TBC1D5: variants seen among roughly 807,000 people sequenced by gnomAD.
TBC1D5 encodes TBC1 domain family, member 5.
TBC1D5 carries 75 observed loss-of-function variants against 100.3 expected under a neutral mutation model. The ratio of observed to expected loss-of-function variants is 0.75; its 90% confidence interval spans 0.62 to 0.91. The LOEUF (loss-of-function observed/expected upper bound fraction) is 0.91, where lower values mean the gene tolerates loss of function less well. Ranked by LOEUF, TBC1D5 falls within the 40% of genes least tolerant of loss-of-function variation. TBC1D5 has a pLI of 0.00. For missense variants in TBC1D5, 910 were observed against 942.4 expected (o/e 0.97, Z 0.45); for synonymous variants, 323 against 325.6 (o/e 0.99, Z 0.09).
At chr3:17,689,642 A>G (rs10510479) in intron 1 of TBC1D5, among the ~76,000 whole-genome samples, 1,742 of 152,314 alleles carry the variant, frequency 0.011, 27 homozygotes, top group African/African-American at 0.039. Context: ...CCAGCAGGTA[A>G]AAAGTCACAT....
intron 3 of TBC1D5, among the ~76,000 whole-genome samples, chr3:17,499,513 G>A (rs538001255): frequency 1.3e-5 from 2 of 148,902 alleles, no homozygotes; most frequent in Admixed American, 6.6e-5. Context: ...GGGCAACATG[G>A]AAAGACCCTG....
At chr3:17,458,204 T>C (rs961301659) in intron 3 of TBC1D5, among the ~76,000 whole-genome samples, 5 of 152,168 alleles carry the variant, frequency 3.3e-5, no homozygotes, top group Admixed American at 6.5e-5. Flanking sequence ...TCCCCTAGTA[T>C]AGTTTTTATC....
At chr3:17,508,333 T>C (rs1277990765) in intron 3 of TBC1D5, 141 bp downstream of exon 3, 3 of 614,276 alleles carry the variant, frequency 4.9e-6, no homozygotes, top group African/African-American at 1.8e-5. Context: ...TCTGTACATA[T>C]CCAGAATAAC....
At chr3:17,417,274 C>T (rs190727332) in intron 4 of TBC1D5, among the ~76,000 whole-genome samples, 6 of 151,892 alleles carry the variant, frequency 4.0e-5, no homozygotes, top group African/African-American at 1.2e-4. Flanking sequence ...ATGTGCCATG[C>T]TGGTGTGCTG....
chr3:17,254,766 T>TGGGGGGGG (rs139693043), intron 16 of TBC1D5, among the ~76,000 whole-genome samples: 1 of 73,172 alleles, frequency 1.4e-5, no homozygotes, highest in Non-Finnish European at 2.6e-5. Context: ...GTGGCGGGGG[T>TGGGGGGGG]GGGGGGGGGG....
At chr3:17,352,867 G>A (rs1021778148) in intron 13 of TBC1D5, among the ~76,000 whole-genome samples, 6 of 151,958 alleles carry the variant, frequency 3.9e-5, no homozygotes, top group Non-Finnish European at 1.5e-5. Context: ...AACACTGAGA[G>A]CTAATACCAC....
chr3:17,491,318 A>C (rs2095637228), intron 3 of TBC1D5, among the ~76,000 whole-genome samples: 1 of 152,146 alleles, frequency 6.6e-6, no homozygotes, highest in African/African-American at 2.4e-5. Flanking sequence ...CTGTTGCCTG[A>C]GTGCTCTGGC....
intron 17 of TBC1D5, among the ~76,000 whole-genome samples, chr3:17,232,833 G>A (rs969561024): frequency 2.0e-5 from 3 of 152,026 alleles, no homozygotes; most frequent in African/African-American, 7.2e-5. Context: ...AATACTACTA[G>A]CATCACTATA....
intron 15 of TBC1D5, among the ~76,000 whole-genome samples, chr3:17,273,950 G>T (rs2079696714): frequency 6.7e-6 from 1 of 148,470 alleles, no homozygotes; most frequent in South Asian, 2.1e-4. Flanking sequence ...TTTCTTAAAA[G>T]TTCCTTGAAG....
chr3:17,629,212 G>A (rs1415828258), intron 1 of TBC1D5, among the ~76,000 whole-genome samples: 2 of 152,012 alleles, frequency 1.3e-5, no homozygotes, highest in Non-Finnish European at 2.9e-5. Flanking sequence ...TCTGTGCTTT[G>A]GGGAAATTCC....
intron 16 of TBC1D5, among the ~76,000 whole-genome samples, chr3:17,247,606 T>C (rs1165876286): frequency 1.3e-5 from 2 of 152,142 alleles, no homozygotes; most frequent in African/African-American, 4.8e-5. Flanking sequence ...TTTCTTAAAA[T>C]AAGACAACAA....
chr3:17,367,592 C>T (rs952036171), intron 13 of TBC1D5, among the ~76,000 whole-genome samples: 2 of 152,140 alleles, frequency 1.3e-5, no homozygotes, highest in Non-Finnish European at 2.9e-5. Flanking sequence ...GGCGCAGTGG[C>T]TCACACGTGT....
At chr3:17,592,187 G>A (rs1560230636) in intron 2 of TBC1D5, among the ~76,000 whole-genome samples, 1 of 152,336 alleles carries the variant, frequency 6.6e-6, no homozygotes, top group East Asian at 1.9e-4. Context: ...GATATACTCA[G>A]GGGTATATCA....
chr3:17,371,926 A>T, intron 13 of TBC1D5, 149 bp downstream of exon 13: 1 of 621,608 alleles, frequency 1.6e-6, no homozygotes, highest in Non-Finnish European at 2.4e-6. Flanking sequence ...GGTACCAGCT[A>T]CTTGGGAAGC....
At chr3:17,657,082 G>T (rs2066142826) in intron 1 of TBC1D5, among the ~76,000 whole-genome samples, 1 of 151,968 alleles carries the variant, frequency 6.6e-6, no homozygotes, top group Non-Finnish European at 1.5e-5. Context: ...GCCCGAATTT[G>T]AACCTTGTCT....
At chr3:17,455,641 C>A (rs1389217462) in intron 3 of TBC1D5, among the ~76,000 whole-genome samples, 1 of 151,412 alleles carries the variant, frequency 6.6e-6, no homozygotes, top group Non-Finnish European at 1.5e-5. Context: ...AGTTCGAAAC[C>A]AACCTGGGCA....
chr3:17,246,351 T>C (rs1171981791), intron 16 of TBC1D5, among the ~76,000 whole-genome samples: 2 of 152,242 alleles, frequency 1.3e-5, no homozygotes, highest in African/African-American at 4.8e-5. Flanking sequence ...TTATCAGTTC[T>C]TTCTAAATTG....
rs150006107 is a variant in TBC1D5 at position 17,229,374 on chromosome 3, G to A, written c.1588+8789C>T. On this transcript the variant is annotated intron_variant, in intron 17 of 21. Transcript: ENST00000253692. ...TCACAAGAGTGAACAGACACAGGTTGTACTTGAAGCCCCTGGAATAGACAT... is the reference window on the plus strand; with the variant it reads ...TCACAAGAGTGAACAGACACAGGTTATACTTGAAGCCCCTGGAATAGACAT... Among the ~76,000 whole-genome samples, 64 of 152,298 alleles carry A rather than the reference G, an allele frequency of 4.2e-4. No individual in the cohort carries two copies. In the East Asian group the frequency reaches 7.1e-3, roughly 17 times the overall value.
At chr3:17,709,777 A>G (rs1031764610) in intron 1 of TBC1D5, among the ~76,000 whole-genome samples, 2 of 152,194 alleles carry the variant, frequency 1.3e-5, no homozygotes, top group Admixed American at 1.3e-4. Context: ...TGCAAAATAT[A>G]GGAGTTGCTG....
Sources: gnomAD v4.1 joint callset for allele counts (sites outside exome capture counted in the v4.1 genomes callset) on GRCh38, gnomAD v4.1.1 for gene constraint, MANE v1.5 for transcripts, NCBI Gene and HGNC (gene_info 2026-07-23, HGNC 2026-07-21) for gene names.